Variants in TWF2 observed in about 807,000 individuals in gnomAD.
TWF2 encodes the protein twinfilin actin binding protein 2, also known as twinfilin-2.
A neutral mutation model predicts 45.1 loss-of-function variants in TWF2; 15 were observed. The observed-to-expected ratio is 0.33, with a 90% CI of 0.22 to 0.51. The LOEUF (loss-of-function observed/expected upper bound fraction) is 0.51. TWF2 is among the 20% of genes least tolerant of loss of function. The probability of loss-of-function intolerance (pLI) is 0.97; values close to 1 mark genes in which losing one functional copy is unlikely to be tolerated. For synonymous variants in TWF2, 177 were observed against 195.8 expected, an observed-to-expected ratio of 0.90 and a Z score of 0.80; for missense variants, 423 against 469.1, an observed-to-expected ratio of 0.90 and a Z score of 0.91.
At chr3:52,231,560 C>G (rs1241047890) in intron 3 of TWF2, 21 bp from the exon 4 acceptor site, 1 of 1,605,674 alleles carries the variant, frequency 6.2e-7, no homozygotes, top group African/African-American at 1.3e-5. Flanking sequence ...AGGGCCAAAC[C>G]GTAAGAGGCC....
chr3:52,228,826 T>C lies in TWF2; in HGVS notation c.*208A>G. The C allele has an allele frequency of 1.3e-6, 1 of 769,880 alleles. No homozygotes were observed. Among genetic ancestry groups the C allele is most frequent in the Non-Finnish European group, 2.0e-6 (1 of 500,560 alleles). 47.7% of individuals were successfully genotyped at this position (769,880 alleles called of 1,614,324 possible). ...AGCCAGGCAGGGTCCCCGGACACCC[T>C]GGGCACACAGACGAGATGCAGGGAC... On this transcript the variant is annotated 3_prime_UTR_variant, in exon 9 of 9. Coordinates refer to ENST00000305533, the MANE Select transcript of TWF2 (RefSeq NM_007284.4).
intron 4 of TWF2, 44 bp downstream of exon 4, chr3:52,231,400 G>T: frequency 6.2e-7 from 1 of 1,603,996 alleles, no homozygotes; most frequent in Non-Finnish European, 8.5e-7. Context: ...ACCCCTCTCT[G>T]TGGGCCCAGG....
At chr3:52,238,944 C>G (rs373194868) in intron 1 of TWF2, 48 bp downstream of exon 1, 9 of 1,557,214 alleles carry the variant, frequency 5.8e-6, no homozygotes, top group African/African-American at 1.4e-5. Context: ...GGGGGCGCTT[C>G]CGAGAGCCCA....
chr3:52,228,784 C>T lies in TWF2; in HGVS notation c.*250G>A, dbSNP rs965282952. 3 of 573,372 alleles carry T rather than the reference C, an allele frequency of 5.2e-6. No individual in the cohort carries two copies. In the Admixed American group the frequency reaches 1.0e-4, roughly 19 times the overall value. The allele number at this position is 573,372 out of a possible 1,614,324, so 35.5% of individuals were successfully genotyped here. A position where few individuals can be genotyped will look rare whatever the true frequency, so the allele number is the denominator to read the frequency against. Reference sequence around the variant, plus strand: ...GGCCAGGTTCATGCCAGGCCCCTGACCCAGCCCCCTTAAGCCAGCCAGGCA... The same window carrying T: ...GGCCAGGTTCATGCCAGGCCCCTGATCCAGCCCCCTTAAGCCAGCCAGGCA... On this transcript the variant is annotated 3_prime_UTR_variant, in exon 9 of 9. Coordinates refer to ENST00000305533, the MANE Select transcript of TWF2 (RefSeq NM_007284.4).
chr3:52,237,073 C>T (rs1377901590), intron 1 of TWF2, among the ~76,000 whole-genome samples: 1 of 152,154 alleles, frequency 6.6e-6, no homozygotes, highest in Non-Finnish European at 1.5e-5. Flanking sequence ...AGCAAGCTGA[C>T]TGTGCTGAGC....
chr3:52,231,138 G>A lies in TWF2; in HGVS notation c.472C>T (p.Arg158Cys), dbSNP rs758401611. 1.3e-5 allele frequency: 21 copies of A among 1,613,932 alleles called. No homozygotes were observed. Among genetic ancestry groups the A allele is most frequent in the South Asian group, 3.3e-5 (3 of 91,086 alleles). Residue 158 changes from arginine (R) to cysteine (C), a missense_variant, in exon 5 of 9, where the codon CGC (arginine) becomes TGC (cysteine). Physicochemically the swap from Arg to Cys is radical, Grantham distance 180. Coordinates refer to ENST00000305533, the MANE Select transcript of TWF2 (RefSeq NM_007284.4). ...TGCTCCCCACCCACCTCGTTAATGC[G>A]GATCTGCTGGAGCTCTCTCTCAGCC... ...TSAERELQQI[R>C]INEVKTEISV...
At chr3:52,231,697 AG>A (rs142394945) in intron 3 of TWF2, among the ~76,000 whole-genome samples, 158 bp from the exon 4 acceptor site, 2,077 of 152,316 alleles carry the variant, frequency 0.014, 59 homozygotes, top group African/African-American at 0.047. Context: ...CCCCACCAGC[AG>A]GGGGAGCCCT....
intron 1 of TWF2, 22 bp from the exon 2 acceptor site, chr3:52,235,128 TG>T: frequency 6.2e-7 from 1 of 1,612,920 alleles, no homozygotes; most frequent in African/African-American, 1.3e-5. Context: ...AGAAACATGG[TG>T]GGGGATGAGT....
chr3:52,235,186 G>T (rs1699714122), intron 1 of TWF2, 80 bp from the exon 2 acceptor site: 1 of 1,447,334 alleles, frequency 6.9e-7, no homozygotes, highest in Non-Finnish European at 9.6e-7. Flanking sequence ...TGTCCCACAG[G>T]GTCTGGTGGC....
rs2107302314 is a variant in TWF2, at chr3:52,231,958, G to A, written c.268C>T (p.Pro90Ser). The part of the protein sequence containing the change: ...GFEWLFLAWS[P>S]DNSPVRLKML... ...CCAGGACTCACGGGGGAGTTATCAG[G>A]CGACCAGGCGAGGAAGAGCCATTCG... Residue 90 changes from proline (P) to serine (S), a missense_variant, in exon 3 of 9, where the codon CCT becomes TCT. Coordinates refer to ENST00000305533, the MANE Select transcript of TWF2 (RefSeq NM_007284.4). 6.2e-7 allele frequency: 1 copy of A among 1,613,288 alleles called. No individual in the cohort carries two copies. The highest frequency in any genetic ancestry group is 8.5e-7 in the Non-Finnish European group (1 of 1,179,544).
intron 1 of TWF2, among the ~76,000 whole-genome samples, chr3:52,236,296 C>T (rs1033778276): frequency 1.8e-4 from 27 of 148,020 alleles, no homozygotes; most frequent in South Asian, 2.1e-4. Context: ...AGTGAAACTC[C>T]GCCTCAGAAA....
Position 52,239,022 on chromosome 3 carries a change from G to A in TWF2, c.-6C>T, listed in dbSNP as rs1322046402. 1.9e-6 allele frequency: 3 copies of A among 1,595,208 alleles called. No individual in the cohort carries two copies. Among genetic ancestry groups the A allele is most frequent in the African/African-American group, 1.3e-5 (1 of 74,696 alleles). On this transcript the variant is annotated 5_prime_UTR_variant, in exon 1 of 9. Coordinates refer to ENST00000305533, the MANE Select transcript of TWF2 (RefSeq NM_007284.4). Reference sequence around the variant, plus strand: ...ATGCCCGTTTGGTGCGCCATGGCTCGGCGCTTCGCTCCGTCCGCGCCGTCG... The same window carrying A: ...ATGCCCGTTTGGTGCGCCATGGCTCAGCGCTTCGCTCCGTCCGCGCCGTCG...
chr3:52,233,913 CAAA>C (rs5848945), intron 2 of TWF2, among the ~76,000 whole-genome samples: 4 of 74,232 alleles, frequency 5.4e-5, no homozygotes, highest in African/African-American at 5.3e-5. Flanking sequence ...AACTCCGTCT[CAAA>C]AAAAAAAAAA....
At chr3:52,235,579 G>A (rs988123276) in intron 1 of TWF2, among the ~76,000 whole-genome samples, 2 of 152,190 alleles carry the variant, frequency 1.3e-5, no homozygotes, top group Non-Finnish European at 2.9e-5. Flanking sequence ...AATCCAGCAT[G>A]TGTGAATGTA....
In TWF2 at chr3:52,229,668, G is replaced by A; in HGVS notation, c.875C>T (p.Ala292Val). The change falls in exon 8 of 9, where the codon GCC becomes GTC. Residue 292 changes from alanine (A) to valine (V), a missense_variant. Physicochemically the swap from Ala to Val is moderately conservative, Grantham distance 64. Coordinates refer to ENST00000305533, the MANE Select transcript of TWF2 (RefSeq NM_007284.4). ...SVEQDFHLEIAKKIEIGDGAE... is the reference protein window; with the variant it reads ...SVEQDFHLEIVKKIEIGDGAE... ...CCTGGGGAGGGCGCCTACTTTCTTG[G>A]CGATCTCCAGATGGAAGTCCTGCTC... The A allele has an allele frequency of 6.2e-7, 1 of 1,613,448 alleles. No homozygotes were observed. The highest frequency in any genetic ancestry group is 8.5e-7 in the Non-Finnish European group (1 of 1,179,984).
At position 52,238,978 on chromosome 3, in the gene TWF2, C is replaced by A; in HGVS notation, c.25+14G>T. 6.3e-7 allele frequency: 1 copy of A among 1,593,710 alleles called. No homozygotes were observed. On this transcript the variant is annotated intron_variant, in intron 1 of 8. Coordinates refer to ENST00000305533, the MANE Select transcript of TWF2 (RefSeq NM_007284.4). ...CAGACCGAGGCCCCCTGCCCGCCCG[C>A]CATCCGCCCTCACCGTGGATGCCCG...
At chr3:52,237,589 T>C (rs1699739191) in intron 1 of TWF2, among the ~76,000 whole-genome samples, 3 of 152,130 alleles carry the variant, frequency 2.0e-5, no homozygotes. Context: ...GCTAACTTCC[T>C]GGGATCTCCT....
chr3:52,231,902 G>A (rs779477665), intron 3 of TWF2, 42 bp downstream of exon 3: 1 of 1,589,834 alleles, frequency 6.3e-7, no homozygotes, highest in South Asian at 1.2e-5. Flanking sequence ...GCCTGGCTCA[G>A]CCCCAGCTCC....
In TWF2 at chr3:52,230,949, C is replaced by T. The variant is rs1275968157; in HGVS notation, c.530G>A (p.Gly177Asp). Reference protein sequence around the residue: ...SVESKHQTLQGLAFPLQPEAQ... With the variant: ...SVESKHQTLQDLAFPLQPEAQ... ...CTCAGGCTGCAGGGGGAAGGCGAGG[C>T]CCTGCAGGGTCTGGTGCTTGCTTTC... The change falls in exon 6 of 9, where the codon GGC becomes GAC. Residue 177 changes from glycine to aspartate, a missense_variant. Gly to Asp is a moderately conservative substitution (Grantham distance 94). Transcript: ENST00000305533. 3.7e-6 allele frequency: 6 copies of T among 1,604,264 alleles called. No homozygotes were observed. Among genetic ancestry groups the T allele is most frequent in the Non-Finnish European group, 5.1e-6 (6 of 1,175,596 alleles).
Sources: allele counts gnomAD v4.1 joint callset (sites outside exome capture counted in the v4.1 genomes callset), GRCh38; gene constraint gnomAD v4.1.1; transcripts MANE v1.5; gene names NCBI Gene and HGNC (gene_info 2026-07-23, HGNC 2026-07-21).